The following DSCAM variants were observed in gnomAD, a reference collection of about 807,000 sequenced individuals.
The protein encoded by DSCAM is cell adhesion molecule DSCAM.
Under a neutral mutation model 217.7 loss-of-function variants are expected in DSCAM, and 47 were observed. The ratio of observed to expected loss-of-function variants is 0.22; its 90% confidence interval spans 0.17 to 0.28. The LOEUF (loss-of-function observed/expected upper bound fraction) is 0.28, where lower values mean the gene tolerates loss of function less well. Ranked by LOEUF, DSCAM falls within the 10% of genes least tolerant of loss-of-function variation. The probability of loss-of-function intolerance (pLI) is 1.00; values close to 1 mark genes in which losing one functional copy is unlikely to be tolerated. For synonymous variants in DSCAM, 1,056 were observed against 1,015.3 expected (o/e 1.04, Z -0.76); for missense variants, 2,080 against 2,618.3 (o/e 0.79, Z 4.49).
At chr21:40,273,577 C>T (rs2073647376) in intron 11 of DSCAM, among the ~76,000 whole-genome samples, 1 of 152,196 alleles carries the variant, frequency 6.6e-6, no homozygotes, top group African/African-American at 2.4e-5. Flanking sequence ...AACAGTCCTG[C>T]CTTTTGAAGG....
intron 3 of DSCAM, among the ~76,000 whole-genome samples, chr21:40,524,044 A>G (rs1418154339): frequency 6.6e-6 from 1 of 152,232 alleles, no homozygotes; most frequent in East Asian, 1.9e-4. Flanking sequence ...ATTTGATGAA[A>G]GAAATTCGGC....
chr21:40,637,804 C>T (rs1367711654), intron 3 of DSCAM, among the ~76,000 whole-genome samples: 1 of 150,212 alleles, frequency 6.7e-6, no homozygotes, highest in Non-Finnish European at 1.5e-5. Flanking sequence ...TCTCAAGTAG[C>T]TGGGACTACA....
chr21:40,660,205 T>C (rs2090124053), intron 3 of DSCAM, among the ~76,000 whole-genome samples: 1 of 152,150 alleles, frequency 6.6e-6, no homozygotes, highest in Non-Finnish European at 1.5e-5. Context: ...ACAGATATGC[T>C]TAACTTGAAA....
At chr21:40,385,207 A>C (rs908534814) in intron 3 of DSCAM, 2 of 152,206 alleles carry the variant, frequency 1.3e-5, no homozygotes, top group Non-Finnish European at 2.9e-5. Flanking sequence ...GGAAAAACTC[A>C]CTTTTCCCAT....
chr21:40,495,205 AG>A (rs1359082500), intron 3 of DSCAM, among the ~76,000 whole-genome samples: 1 of 152,212 alleles, frequency 6.6e-6, no homozygotes, highest in Admixed American at 6.5e-5. Context: ...AAAGTCTAAG[AG>A]GTGAAGCTTG....
chr21:40,327,085 G>T (rs1039261281), intron 8 of DSCAM, among the ~76,000 whole-genome samples: 12 of 151,778 alleles, frequency 7.9e-5, no homozygotes, highest in South Asian at 2.1e-4. Flanking sequence ...AGATCCTACC[G>T]CATGGTTCTG....
chr21:40,434,942 C>T lies in DSCAM; in HGVS notation c.509-65697G>A, dbSNP rs145594518. 2.2e-3 allele frequency among the ~76,000 whole-genome samples: 332 copies of T among 152,206 alleles called. 4 individuals are homozygous for T. The highest frequency in any genetic ancestry group is 0.016 in the East Asian group (80 of 5,158). ...TTTGTTGAGTGGGACAAGTAGGAAA[C>T]GAAGAAAGAACATGGCCCTAGGATG... On this transcript the variant is annotated intron_variant, in intron 3 of 32. Coordinates refer to ENST00000400454, the MANE Select transcript of DSCAM (RefSeq NM_001389.5).
intron 3 of DSCAM, among the ~76,000 whole-genome samples, chr21:40,655,446 CTTT>C (rs376852214): frequency 4.3e-5 from 6 of 138,840 alleles, no homozygotes; most frequent in Admixed American, 2.9e-4. Context: ...ATCTGTCTCT[CTTT>C]TTTTTTTTTT....
intron 4 of DSCAM, among the ~76,000 whole-genome samples, chr21:40,362,440 T>G (rs1022025046): frequency 3.3e-5 from 5 of 152,148 alleles, no homozygotes; most frequent in Non-Finnish European, 5.9e-5. Context: ...CTCTCTCTCT[T>G]TGAGAGGGGT....
intron 3 of DSCAM, among the ~76,000 whole-genome samples, chr21:40,573,924 G>A (rs927980859): frequency 6.6e-6 from 1 of 152,042 alleles, no homozygotes; most frequent in Non-Finnish European, 1.5e-5. Flanking sequence ...CACAACTGAT[G>A]CAAGAAAAAA....
At chr21:40,727,948 C>G (rs992046330) in intron 1 of DSCAM, among the ~76,000 whole-genome samples, 2 of 152,182 alleles carry the variant, frequency 1.3e-5, no homozygotes, top group Non-Finnish European at 2.9e-5. Context: ...CTCTGGGTCT[C>G]TGTACCTGCT....
At chr21:40,673,331 C>T (rs138054507) in intron 3 of DSCAM, among the ~76,000 whole-genome samples, 78 of 152,264 alleles carry the variant, frequency 5.1e-4, no homozygotes, top group Admixed American at 1.6e-3. Context: ...TCCAATGAAA[C>T]CCAGTGTATC....
chr21:40,360,424 G>A (rs2074749388), intron 4 of DSCAM, among the ~76,000 whole-genome samples: 1 of 151,998 alleles, frequency 6.6e-6, no homozygotes, highest in Non-Finnish European at 1.5e-5. Context: ...GTGAGCCACT[G>A]TGCCTGGCCC....
chr21:40,344,901 G>T (rs1401925773), intron 6 of DSCAM, among the ~76,000 whole-genome samples: 1 of 152,102 alleles, frequency 6.6e-6, no homozygotes, highest in Non-Finnish European at 1.5e-5. Flanking sequence ...AGTCATATGT[G>T]TGTGTCACGT....
At chr21:40,755,211 G>A (rs1253396431) in intron 1 of DSCAM, among the ~76,000 whole-genome samples, 1 of 152,166 alleles carries the variant, frequency 6.6e-6, no homozygotes, top group African/African-American at 2.4e-5. Context: ...ACTTTGGGAG[G>A]CAGAGGTGGG....
At chr21:40,505,509 C>G (rs528138655) in intron 3 of DSCAM, among the ~76,000 whole-genome samples, 1 of 152,276 alleles carries the variant, frequency 6.6e-6, no homozygotes, top group East Asian at 1.9e-4. Flanking sequence ...TTCTCAGTCC[C>G]TTTACAACAG....
intron 1 of DSCAM, among the ~76,000 whole-genome samples, chr21:40,735,526 C>T (rs1484236478): frequency 1.3e-5 from 2 of 152,138 alleles, no homozygotes; most frequent in Non-Finnish European, 2.9e-5. Flanking sequence ...TTTTGTAATA[C>T]AAATATTTAC....
intron 1 of DSCAM, among the ~76,000 whole-genome samples, chr21:40,752,746 G>C (rs1302211370): frequency 6.6e-6 from 1 of 151,846 alleles, no homozygotes; most frequent in African/African-American, 2.4e-5. Context: ...GATGTTCAAA[G>C]GAAGCCCTGA....
intron 3 of DSCAM, among the ~76,000 whole-genome samples, chr21:40,525,313 G>A (rs906230299): frequency 6.6e-6 from 1 of 152,128 alleles, no homozygotes. Context: ...TCCAGTTTTT[G>A]GAGAATGAGG....
Sources: gnomAD v4.1 joint callset for allele counts (sites outside exome capture counted in the v4.1 genomes callset) on GRCh38, gnomAD v4.1.1 for gene constraint, MANE v1.5 for transcripts, NCBI Gene and HGNC (gene_info 2026-07-23, HGNC 2026-07-21) for gene names.